Variants in GORAB observed in about 807,000 individuals in gnomAD.
GORAB encodes the protein RAB6-interacting golgin.
GORAB carries 17 observed loss-of-function variants against 29.9 expected under a neutral mutation model. That is an observed-to-expected ratio of 0.57 (90% CI 0.39 to 0.85). The LOEUF is 0.85. Among genes scored for constraint, GORAB ranks in the 40% least tolerant of loss-of-function variants. The pLI, the probability that GORAB is intolerant of heterozygous loss-of-function variation, is 0.00. For missense variants in GORAB, 442 were observed against 437.8 expected (o/e 1.01, Z -0.09); for synonymous variants, 183 against 157.2 (o/e 1.16, Z -1.23).
chr1:170,541,599 AT>A (rs1649430096), intron 2 of GORAB, among the ~76,000 whole-genome samples: 5 of 152,126 alleles, frequency 3.3e-5, no homozygotes, highest in African/African-American at 1.2e-4. Context: ...GAGGTATGTG[AT>A]ATAATGGCTG....
intron 1 of GORAB, among the ~76,000 whole-genome samples, chr1:170,537,533 A>G (rs889724072): frequency 1.3e-5 from 2 of 152,216 alleles, no homozygotes; most frequent in African/African-American, 2.4e-5. Flanking sequence ...AGCGTAATCT[A>G]GATTTTCCTG....
chr1:170,536,124 G>A (rs1649047734), intron 1 of GORAB, among the ~76,000 whole-genome samples: 1 of 152,004 alleles, frequency 6.6e-6, no homozygotes, highest in Non-Finnish European at 1.5e-5. Flanking sequence ...CACTAACGTG[G>A]TATATGTCTC....
intron 1 of GORAB, among the ~76,000 whole-genome samples, chr1:170,534,771 A>G (rs1648950280): frequency 6.6e-6 from 1 of 151,990 alleles, no homozygotes; most frequent in South Asian, 2.1e-4. Flanking sequence ...GTGTAAATAC[A>G]CTCTCTGATG....
In GORAB at chr1:170,553,292, T is replaced by A. The variant is rs1302836114; in HGVS notation, c.*830T>A. The A allele has an allele frequency of 6.6e-6, 3 of 451,252 alleles. No individual in the cohort carries two copies. Among genetic ancestry groups the A allele is most frequent in the Non-Finnish European group, 1.3e-5 (3 of 226,114 alleles). 28.0% of individuals were successfully genotyped at this position (451,252 alleles called of 1,614,324 possible). A position where few individuals can be genotyped will look rare whatever the true frequency, so the allele number is the denominator to read the frequency against. ...TCTAAAGTTATCTATAAATATGTTT[T>A]TGATATGTTGGACATGAATTACCCT... On this transcript the variant is annotated 3_prime_UTR_variant, in exon 5 of 5. Coordinates refer to ENST00000367763, the MANE Select transcript of GORAB (RefSeq NM_152281.3).
rs1282930360 is a variant in GORAB, at chr1:170,542,582, A to G, written c.511A>G (p.Ile171Val). The change falls in exon 3 of 5, where the codon ATT becomes GTT. Residue 171 changes from isoleucine (I) to valine (V), a missense_variant. Coordinates refer to ENST00000367763, the MANE Select transcript of GORAB (RefSeq NM_152281.3). ...KRKKALLAKA[I>V]AERSKRTQAE... ...TAAAAAAGCTCTTTTGGCTAAAGCT[A>G]TTGCAGAAAGGTGAGGCACCTGAAC... 1.9e-6 allele frequency: 3 copies of G among 1,611,346 alleles called. No individual in the cohort carries two copies. The highest frequency in any genetic ancestry group is 2.5e-6 in the Non-Finnish European group (3 of 1,177,666).
rs370271267 is a variant in GORAB, at chr1:170,539,424, C to T, written c.276C>T (p.Thr92=). The change falls in exon 2 of 5, where the codon ACC becomes ACT. Residue 92 remains threonine, a synonymous_variant. Coordinates refer to ENST00000367763, the MANE Select transcript of GORAB (RefSeq NM_152281.3). ...CTCTTCCGAGTCATTTCACTCTCAC[C>T]TCCCCCGTTGGTGATGGACAACCAC... is the stretch of plus-strand genomic sequence containing the variant. ...SPTLPSHFTL[T]SPVGDGQPQG... The T allele has an allele frequency of 3.5e-5, 56 of 1,614,140 alleles. No individual in the cohort carries two copies. In the South Asian group the frequency reaches 4.2e-4, roughly 12 times the overall value.
chr1:170,534,771 ACT>A (rs1169974827), intron 1 of GORAB, among the ~76,000 whole-genome samples: 1 of 151,990 alleles, frequency 6.6e-6, no homozygotes, highest in Non-Finnish European at 1.5e-5. Flanking sequence ...GTGTAAATAC[ACT>A]CTCTGATGTT....
At chr1:170,537,299 G>A (rs1649122166) in intron 1 of GORAB, among the ~76,000 whole-genome samples, 1 of 152,138 alleles carries the variant, frequency 6.6e-6, no homozygotes, top group African/African-American at 2.4e-5. Context: ...GAGCAGAAGT[G>A]TTATGTCACT....
Position 170,553,461 on chromosome 1 carries a change from CATT to C in GORAB, c.*1002_*1004del, listed in dbSNP as rs1275689821. 6 of 436,776 alleles carry C rather than the reference CATT, an allele frequency of 1.4e-5. No homozygotes were observed. Among genetic ancestry groups the C allele is most frequent in the African/African-American group, 1.2e-4 (6 of 48,754 alleles). 27.1% of individuals were successfully genotyped at this position (436,776 alleles called of 1,614,324 possible). A position where few individuals can be genotyped will look rare whatever the true frequency, so the allele number is the denominator to read the frequency against. ...TTTCTCACAAAGTCTGTGAATATCACATTATGATTTATTTATCAGAAATTCCAA... is the reference window on the plus strand; with the variant it reads ...TTTCTCACAAAGTCTGTGAATATCACATGATTTATTTATCAGAAATTCCAA... On this transcript the variant is annotated 3_prime_UTR_variant, in exon 5 of 5. Coordinates refer to ENST00000367763, the MANE Select transcript of GORAB (RefSeq NM_152281.3).
At position 170,534,048 on chromosome 1, in the gene GORAB, A is replaced by C. The variant is rs142689362; in HGVS notation, c.61+1764A>C. On this transcript the variant is annotated intron_variant, in intron 1 of 4. Transcript: ENST00000367763. ...TGCCAGGAAAAATAAGGACAGTAGT[A>C]CTCTGGAGACCCCTGTATGGGCATT... 8.5e-5 allele frequency among the ~76,000 whole-genome samples: 13 copies of C among 152,274 alleles called. No individual in the cohort carries two copies. The East Asian group carries it at 2.5e-3, about 29-fold the overall frequency.
At chr1:170,544,113 GC>G (rs1046412096) in intron 3 of GORAB, among the ~76,000 whole-genome samples, 1 of 152,096 alleles carries the variant, frequency 6.6e-6, no homozygotes, top group African/African-American at 2.4e-5. Flanking sequence ...GGTTGGATGT[GC>G]TTTTAAATAA....
intron 4 of GORAB, among the ~76,000 whole-genome samples, chr1:170,551,300 G>A (rs1037336626): frequency 3.9e-5 from 6 of 152,150 alleles, no homozygotes; most frequent in African/African-American, 1.4e-4. Context: ...GGCCCAAATT[G>A]TCAGTAGCAC....
intron 1 of GORAB, among the ~76,000 whole-genome samples, chr1:170,538,896 T>G (rs1649217096): frequency 6.6e-6 from 1 of 152,234 alleles, no homozygotes; most frequent in Non-Finnish European, 1.5e-5. Flanking sequence ...TTAGTTGCTT[T>G]CTTTTGACAA....
rs1206926290 is a variant in GORAB at position 170,553,608 on chromosome 1, C to G, written c.*1146C>G. On this transcript the variant is annotated 3_prime_UTR_variant, in exon 5 of 5. Transcript: ENST00000367763. ...AGTTTCTGAAAAACTTAGGGACATC[C>G]TGTTTTTAAATGGGTTTGTTTGAGG... 1 of 452,514 alleles carries G rather than the reference C, an allele frequency of 2.2e-6. No individual in the cohort carries two copies. Among genetic ancestry groups the G allele is most frequent in the Admixed American group, 2.4e-5 (1 of 42,466 alleles). The allele number at this position is 452,514 out of a possible 1,614,324, so 28.0% of individuals were successfully genotyped here.
At position 170,552,113 on chromosome 1, in the gene GORAB, C is replaced by T. The variant is rs200615427; in HGVS notation, c.761C>T (p.Thr254Met). The change falls in exon 5 of 5, where the codon ACG becomes ATG. Residue 254 changes from threonine (T) to methionine (M), a missense_variant. Coordinates refer to ENST00000367763, the MANE Select transcript of GORAB (RefSeq NM_152281.3). ...IKEQLTEHLC[T>M]IIQQNELRKA... The stretch of plus-strand genomic sequence containing the variant: ...GAGCAACTCACTGAACACCTTTGTA[C>T]GATCATACAGCAAAATGAGCTCCGA... 5.8e-5 allele frequency: 94 copies of T among 1,613,874 alleles called. No homozygotes were observed. Among genetic ancestry groups the T allele is most frequent in the Non-Finnish European group, 7.0e-5 (83 of 1,179,940 alleles).
rs187680628 is a variant in GORAB, at chr1:170,552,293, C to T, written c.941C>T (p.Ala314Val). The change falls in exon 5 of 5, where the codon GCG becomes GTG. Residue 314 changes from alanine (A) to valine (V), a missense_variant. By Grantham distance (64) the Ala-to-Val change is moderately conservative. Transcript: ENST00000367763. ...CGTTTAGAGAGGCCATTTCAGCCTGCGGAGGAGAGTGTGACATTAGAATTT... is the reference window on the plus strand; with the variant it reads ...CGTTTAGAGAGGCCATTTCAGCCTGTGGAGGAGAGTGTGACATTAGAATTT... The part of the protein sequence containing the change: ...VVRLERPFQP[A>V]EESVTLEFAK... The T allele has an allele frequency of 1.1e-4, 179 of 1,614,014 alleles. No individual in the cohort carries two copies. Among genetic ancestry groups the T allele is most frequent in the Admixed American group, 1.1e-3 (66 of 59,998 alleles).
chr1:170,537,704 G>A (rs181060420), intron 1 of GORAB, among the ~76,000 whole-genome samples: 3 of 152,204 alleles, frequency 2.0e-5, no homozygotes, highest in East Asian at 1.9e-4. Flanking sequence ...CTAGACTTAC[G>A]CTTCTCAGTT....
At chr1:170,551,252 TG>T (rs1199988621) in intron 4 of GORAB, among the ~76,000 whole-genome samples, 2 of 152,218 alleles carry the variant, frequency 1.3e-5, no homozygotes, top group African/African-American at 4.8e-5. Flanking sequence ...TTTAGCATCT[TG>T]CAGTGCAGGA....
chr1:170,542,474 CT>C lies in GORAB; in HGVS notation c.420-10del. Reference sequence around the variant, plus strand: ...TTTCTTTCATAAACTCATTTTTATGCTTTTTTTGCCCCCTAGGCAAGAAAAA... The same window carrying C: ...TTTCTTTCATAAACTCATTTTTATGCTTTTTTGCCCCCTAGGCAAGAAAAA... On this transcript the variant is annotated splice_polypyrimidine_tract_variant and intron_variant, in intron 2 of 4. Coordinates refer to ENST00000367763, the MANE Select transcript of GORAB (RefSeq NM_152281.3). 12 of 1,546,972 alleles carry C rather than the reference CT, an allele frequency of 7.8e-6. No individual in the cohort carries two copies. The highest frequency in any genetic ancestry group is 3.3e-5 in the South Asian group (3 of 89,796).
Sources: allele counts gnomAD v4.1 joint callset (sites outside exome capture counted in the v4.1 genomes callset), GRCh38; gene constraint gnomAD v4.1.1; transcripts MANE v1.5; gene names NCBI Gene and HGNC (gene_info 2026-07-23, HGNC 2026-07-21).